The following TCF4 variants were observed in gnomAD, a reference collection of about 807,000 sequenced individuals.
The protein encoded by TCF4 is SL3-3 enhancer factor 2.
In TCF4, 3 loss-of-function variants were observed where a neutral mutation model predicts 82.1. That is an observed-to-expected ratio of 0.04 (90% CI 0.02 to 0.09). TCF4 has a LOEUF of 0.09. Among genes scored for constraint, TCF4 ranks in the 10% least tolerant of loss-of-function variants. TCF4 has a pLI of 1.00. For synonymous variants in TCF4, 276 were observed against 309.6 expected, an observed-to-expected ratio of 0.89 and a Z score of 1.14; for missense variants, 518 against 852.7, an observed-to-expected ratio of 0.61 and a Z score of 4.89.
chr18:55,456,556 C>T (rs1440673494), intron 5 of TCF4, among the ~76,000 whole-genome samples: 2 of 152,166 alleles, frequency 1.3e-5, no homozygotes, highest in South Asian at 2.1e-4. Flanking sequence ...AGCTTTCAAT[C>T]GATGCTCTGG....
intron 5 of TCF4, among the ~76,000 whole-genome samples, chr18:55,435,462 A>T (rs2147235082): frequency 1.3e-5 from 2 of 152,334 alleles, no homozygotes; most frequent in Middle Eastern, 3.4e-3. Flanking sequence ...CATTTGAATA[A>T]AATCTCCACA....
At chr18:55,585,239 C>A (rs2097628626) in intron 3 of TCF4, 41 bp downstream of exon 3, 1 of 1,566,452 alleles carries the variant, frequency 6.4e-7, no homozygotes, top group African/African-American at 1.4e-5. Context: ...AATAAACAGC[C>A]CAGAACATTT....
chr18:55,593,595 T>C (rs1260571668), upstream of TCF4, among the ~76,000 whole-genome samples: 1 of 152,220 alleles, frequency 6.6e-6, no homozygotes, highest in Non-Finnish European at 1.5e-5. Context: ...AGGAGCGGCA[T>C]AGCCAGGCAG....
intron 1 of TCF4, among the ~76,000 whole-genome samples, chr18:55,634,545 G>A (rs911271019): frequency 4.6e-5 from 7 of 152,106 alleles, no homozygotes; most frequent in Non-Finnish European, 8.8e-5. Flanking sequence ...ATCTAGTGTG[G>A]AGGAATAGGT....
intron 8 of TCF4, among the ~76,000 whole-genome samples, chr18:55,287,676 C>T (rs765412507): frequency 6.6e-6 from 1 of 152,162 alleles, no homozygotes; most frequent in Non-Finnish European, 1.5e-5. Context: ...CAGCCTGCAG[C>T]AAGCTCAGCA....
intron 3 of TCF4, among the ~76,000 whole-genome samples, chr18:55,540,314 AAAAAAAACAGAATATTGTTTTCACT>A (rs1371360621): frequency 2.0e-5 from 3 of 151,726 alleles, no homozygotes; most frequent in Non-Finnish European, 2.9e-5. Context: ...ATCTCAAAAC[AAAAAAAACAGAATATTGTTTTCACT>A]AATTATGATA....
chr18:55,634,938 C>T (rs1251816164), intron 1 of TCF4, among the ~76,000 whole-genome samples: 2 of 152,114 alleles, frequency 1.3e-5, no homozygotes, highest in Non-Finnish European at 2.9e-5. Context: ...CTGTTTTATG[C>T]AGAAATTATG....
At chr18:55,281,019 A>G (rs2062491128) in intron 8 of TCF4, among the ~76,000 whole-genome samples, 1 of 152,140 alleles carries the variant, frequency 6.6e-6, no homozygotes, top group Non-Finnish European at 1.5e-5. Context: ...AAAACAAACC[A>G]GAAAAGCCCA....
chr18:55,518,256 T>A (rs1261149530), intron 3 of TCF4, among the ~76,000 whole-genome samples: 2 of 152,194 alleles, frequency 1.3e-5, no homozygotes, highest in African/African-American at 4.8e-5. Flanking sequence ...ATAGCTAATA[T>A]GAATTCATCA....
intron 5 of TCF4, among the ~76,000 whole-genome samples, chr18:55,452,109 C>T (rs1421101196): frequency 6.6e-6 from 1 of 152,088 alleles, no homozygotes; most frequent in Non-Finnish European, 1.5e-5. Context: ...TATTTCACAT[C>T]CTGGTTACCT....
At position 55,362,393 on chromosome 18, in the gene TCF4, A is replaced by AGAAGGAAGGAAG. The variant is rs1190854292; in HGVS notation, c.370-11402_370-11391dup. Among the ~76,000 whole-genome samples the AGAAGGAAGGAAG allele has an allele frequency of 5.3e-3, 231 of 43,408 alleles. 1 individual carries two copies. The highest frequency in any genetic ancestry group is 9.9e-3 in the African/African-American group (104 of 10,530). The allele number at this position is 43,408 out of a possible 152,430, so 28.5% of individuals were successfully genotyped here. On this transcript the variant is annotated intron_variant, in intron 6 of 19. Transcript: ENST00000354452. ...AGGAAGGAAGGAAGGAAGGAAGGAA[A>AGAAGGAAGGAAG]GAAGGAAGGAAGGAAGGAAGGAAGG...
At chr18:55,286,261 TATA>T (rs377483641) in intron 8 of TCF4, among the ~76,000 whole-genome samples, 1 of 118,784 alleles carries the variant, frequency 8.4e-6, no homozygotes, top group African/African-American at 4.3e-5. Flanking sequence ...CTCTCTATTC[TATA>T]TTCTTTGTTT....
chr18:55,451,736 C>G (rs2095627596), intron 5 of TCF4, among the ~76,000 whole-genome samples: 1 of 152,082 alleles, frequency 6.6e-6, no homozygotes, highest in Non-Finnish European at 1.5e-5. Context: ...TAATCGCAAC[C>G]CCGCCACCCA....
intron 2 of TCF4, among the ~76,000 whole-genome samples, chr18:55,622,881 C>CTCTGTGTGTG (rs1555791857): frequency 2.0e-5 from 3 of 149,622 alleles, no homozygotes; most frequent in Non-Finnish European, 4.4e-5. Context: ...TTTCTCCACT[C>CTCTGTGTGTG]TGTGTGTGTG....
At chr18:55,421,675 C>T (rs1004589675) in intron 5 of TCF4, among the ~76,000 whole-genome samples, 3 of 152,110 alleles carry the variant, frequency 2.0e-5, no homozygotes, top group African/African-American at 7.2e-5. Flanking sequence ...AAACATCTGC[C>T]TCAGCAAAAA....
intron 2 of TCF4, among the ~76,000 whole-genome samples, chr18:55,614,292 A>G (rs1182179925): frequency 6.6e-6 from 1 of 152,172 alleles, no homozygotes; most frequent in Non-Finnish European, 1.5e-5. Flanking sequence ...TAGGAGTAGA[A>G]TGAGTGCTAT....
chr18:55,446,153 T>C (rs2095521354), intron 5 of TCF4, among the ~76,000 whole-genome samples: 1 of 152,084 alleles, frequency 6.6e-6, no homozygotes, highest in African/African-American at 2.4e-5. Flanking sequence ...TTTAGGGGAC[T>C]CTAATGTGCT....
rs78614694 is a variant in TCF4, at chr18:55,253,411, C to T, written c.1350+1086G>A. 3.5e-4 allele frequency among the ~76,000 whole-genome samples: 53 copies of T among 152,176 alleles called. No individual in the cohort carries two copies. The East Asian group carries it at 9.3e-3, about 27-fold the overall frequency. ...AATAGGACACTAAGGTGCTTAGAGA[C>T]GAGGTAGAGCTTGTGAGGATCAGAA... On this transcript the variant is annotated intron_variant, in intron 15 of 19. Transcript: ENST00000354452.
At chr18:55,588,219 T>C (rs2097671747), upstream of TCF4, 9 of 1,378,494 alleles carry the variant, frequency 6.5e-6, no homozygotes. Context: ...TCCCTGACTC[T>C]TAACACCAAC....
Sources: allele counts gnomAD v4.1 joint callset (sites outside exome capture counted in the v4.1 genomes callset), GRCh38; gene constraint gnomAD v4.1.1; transcripts MANE v1.5; gene names NCBI Gene and HGNC (gene_info 2026-07-23, HGNC 2026-07-21).